Variants in FHIP1A observed in about 807,000 individuals in gnomAD.
FHIP1A encodes FHF complex subunit HOOK-interacting protein 1A.
In FHIP1A, 61 loss-of-function variants were observed where a neutral mutation model predicts 88.6. That is an observed-to-expected ratio of 0.69 (90% CI 0.56 to 0.85). FHIP1A has a LOEUF of 0.85. Among genes scored for constraint, FHIP1A ranks in the 40% least tolerant of loss-of-function variants. FHIP1A has a pLI of 0.00. For missense variants in FHIP1A, 1,154 were observed against 1,273.5 expected, an observed-to-expected ratio of 0.91 and a Z score of 1.43; for synonymous variants, 478 against 496.0, an observed-to-expected ratio of 0.96 and a Z score of 0.48.
intron 1 of FHIP1A, among the ~76,000 whole-genome samples, chr4:151,414,214 C>T (rs569019740): frequency 6.6e-6 from 1 of 152,128 alleles, no homozygotes; most frequent in African/African-American, 2.4e-5. Flanking sequence ...CCATGCCCGG[C>T]TAAGTTTTGT....
intron 7 of FHIP1A, among the ~76,000 whole-genome samples, chr4:151,606,780 C>G (rs1232896346): frequency 6.6e-6 from 1 of 152,158 alleles, no homozygotes. Context: ...GGAACTTTGC[C>G]TGTTTCTTAC....
chr4:151,447,134 T>C (rs569337216), intron 1 of FHIP1A, among the ~76,000 whole-genome samples: 7 of 152,298 alleles, frequency 4.6e-5, no homozygotes, highest in African/African-American at 1.7e-4. Context: ...ATGGCAAATA[T>C]TTGCGTATTT....
chr4:151,516,406 C>G (rs1731238242), intron 3 of FHIP1A, among the ~76,000 whole-genome samples: 1 of 151,964 alleles, frequency 6.6e-6, no homozygotes, highest in South Asian at 2.1e-4. Flanking sequence ...GACTTCATGT[C>G]TAAAACACCA....
intron 1 of FHIP1A, among the ~76,000 whole-genome samples, chr4:151,426,509 C>A (rs1247983535): frequency 6.6e-6 from 1 of 152,042 alleles, no homozygotes; most frequent in African/African-American, 2.4e-5. Context: ...TATAAAATGA[C>A]CTGAGGTTTA....
At chr4:151,591,650 G>C (rs1734433346) in intron 7 of FHIP1A, among the ~76,000 whole-genome samples, 1 of 152,038 alleles carries the variant, frequency 6.6e-6, no homozygotes, top group African/African-American at 2.4e-5. Flanking sequence ...TCCCCTTTCT[G>C]TGTCCATGTG....
intron 3 of FHIP1A, among the ~76,000 whole-genome samples, chr4:151,526,670 C>T (rs113722899): frequency 0.37 from 54,897 of 149,560 alleles, 10,202 homozygotes; most frequent in Non-Finnish European, 0.42. Flanking sequence ...GGCTGACCCC[C>T]CCTCCTCCCT....
chr4:151,559,228 AT>A (rs764727257), intron 3 of FHIP1A, among the ~76,000 whole-genome samples: 10 of 152,188 alleles, frequency 6.6e-5, no homozygotes, highest in Non-Finnish European at 1.2e-4. Context: ...GAGACTTCAA[AT>A]ATGTTGTCAT....
chr4:151,450,760 T>C lies in FHIP1A; in HGVS notation c.-355-3941T>C, dbSNP rs541786539. On this transcript the variant is annotated intron_variant, in intron 1 of 13. Coordinates refer to ENST00000435205, the MANE Select transcript of FHIP1A (RefSeq NM_001109977.3). ...TGTTTCAGTGGTGTTTTGATCTTTGTTAATTTTCTTTCTTTATCTCGTCTT... is the reference window on the plus strand; with the variant it reads ...TGTTTCAGTGGTGTTTTGATCTTTGCTAATTTTCTTTCTTTATCTCGTCTT... 7.2e-5 allele frequency among the ~76,000 whole-genome samples: 11 copies of C among 152,194 alleles called. No homozygotes were observed. The East Asian group carries it at 2.1e-3, about 29-fold the overall frequency.
chr4:151,562,851 A>C (rs549604991), intron 3 of FHIP1A, among the ~76,000 whole-genome samples: 13 of 152,284 alleles, frequency 8.5e-5, no homozygotes, highest in African/African-American at 3.1e-4. Context: ...TGAAGTTTTT[A>C]CACTGGAAAA....
At chr4:151,623,864 C>A (rs1735845840) in intron 7 of FHIP1A, among the ~76,000 whole-genome samples, 2 of 152,184 alleles carry the variant, frequency 1.3e-5, no homozygotes. Flanking sequence ...TCAGAGCTGG[C>A]AACCGTATTC....
chr4:151,660,050 C>A (rs1413973661), intron 13 of FHIP1A, among the ~76,000 whole-genome samples: 1 of 152,180 alleles, frequency 6.6e-6, no homozygotes, highest in Non-Finnish European at 1.5e-5. Flanking sequence ...TAGGTAATGG[C>A]CCCAGTTTAC....
At chr4:151,632,634 A>T (rs1553961446) in intron 8 of FHIP1A, among the ~76,000 whole-genome samples, 1 of 152,050 alleles carries the variant, frequency 6.6e-6, no homozygotes, top group Non-Finnish European at 1.5e-5. Context: ...CACACAAATA[A>T]TTTTTTTCTA....
chr4:151,571,039 G>A (rs1404264951), intron 4 of FHIP1A, among the ~76,000 whole-genome samples: 9 of 152,042 alleles, frequency 5.9e-5, no homozygotes, highest in Admixed American at 2.0e-4. Context: ...AGAAGCATTA[G>A]CCCACCAGGC....
chr4:151,615,826 G>A (rs1735497413), intron 7 of FHIP1A, among the ~76,000 whole-genome samples: 1 of 152,130 alleles, frequency 6.6e-6, no homozygotes, highest in Non-Finnish European at 1.5e-5. Flanking sequence ...ATATAATTTG[G>A]GGATTACTTT....
At chr4:151,485,883 C>G (rs1172473339) in intron 3 of FHIP1A, among the ~76,000 whole-genome samples, 2 of 152,208 alleles carry the variant, frequency 1.3e-5, no homozygotes, top group African/African-American at 4.8e-5. Context: ...GCCACTGTGC[C>G]TGGCTGAGGT....
At chr4:151,449,533 G>A (rs566542816) in intron 1 of FHIP1A, among the ~76,000 whole-genome samples, 49 of 152,142 alleles carry the variant, frequency 3.2e-4, no homozygotes, top group African/African-American at 1.1e-3. Context: ...TTTGTGGTGA[G>A]AACATTCAAA....
At chr4:151,486,916 C>T (rs963813306) in intron 3 of FHIP1A, among the ~76,000 whole-genome samples, 7 of 150,668 alleles carry the variant, frequency 4.6e-5, no homozygotes, top group African/African-American at 7.3e-5. Flanking sequence ...TGCAGTGAGC[C>T]GAGACTGCGC....
chr4:151,580,901 A>G (rs1399823220), intron 5 of FHIP1A, among the ~76,000 whole-genome samples: 1 of 152,216 alleles, frequency 6.6e-6, no homozygotes, highest in Admixed American at 6.5e-5. Context: ...TCTGTCACCC[A>G]GGCTGGAGTG....
chr4:151,620,951 G>A (rs1001279525), intron 7 of FHIP1A, among the ~76,000 whole-genome samples: 7 of 151,170 alleles, frequency 4.6e-5, no homozygotes, highest in African/African-American at 1.7e-4. Flanking sequence ...GGAAACAAAT[G>A]CAGAGAGTGG....
Sources: gnomAD v4.1 joint callset for allele counts (sites outside exome capture counted in the v4.1 genomes callset) on GRCh38, gnomAD v4.1.1 for gene constraint, MANE v1.5 for transcripts, NCBI Gene and HGNC (gene_info 2026-07-23, HGNC 2026-07-21) for gene names.